MINDY4: variants seen among roughly 807,000 people sequenced by gnomAD.
The protein encoded by MINDY4 is MINDY lysine 48 deubiquitinase 4.
Under a neutral mutation model 87.0 loss-of-function variants are expected in MINDY4, and 68 were observed. The observed-to-expected ratio is 0.78, with a 90% CI of 0.64 to 0.96. The LOEUF is 0.96. Ranked by LOEUF, MINDY4 falls within the 40% of genes least tolerant of loss-of-function variation. The pLI, the probability that MINDY4 is intolerant of heterozygous loss-of-function variation, is 0.00. For missense variants in MINDY4, 919 were observed against 928.2 expected (o/e 0.99, Z 0.13); for synonymous variants, 379 against 363.2 (o/e 1.04, Z -0.50).
Position 30,860,632 on chromosome 7 carries a change from GC to G in MINDY4, c.1745+1311del, listed in dbSNP as rs1260712476. Among the ~76,000 whole-genome samples, 719 of 152,158 alleles carry G rather than the reference GC, an allele frequency of 4.7e-3. 5 individuals are homozygous for G. The highest frequency in any genetic ancestry group is 0.017 in the African/African-American group (692 of 41,494). On this transcript the variant is annotated intron_variant, in intron 13 of 17. Coordinates refer to ENST00000265299, the MANE Select transcript of MINDY4 (RefSeq NM_032222.3). ...TCTCAGCGCCCCCATCCATGCGGGG[GC>G]CCTCTGGCTCTGGGAGTCTAGGGCT...
At position 30,836,776 on chromosome 7, in the gene MINDY4, GA is replaced by G; in HGVS notation, c.1239+13del. The G allele has an allele frequency of 6.2e-7, 1 of 1,601,496 alleles. No homozygotes were observed. The highest frequency in any genetic ancestry group is 8.6e-7 in the Non-Finnish European group (1 of 1,168,610). ...TCTCAGTAGCAAAGGTAAGTGTAAG[GA>G]GACTCCTGGGTTAAATGTGTCTTGA... On this transcript the variant is annotated intron_variant, in intron 7 of 17. Transcript: ENST00000265299.
chr7:30,794,327 T>C (rs555810041), intron 5 of MINDY4, among the ~76,000 whole-genome samples: 2 of 152,136 alleles, frequency 1.3e-5, no homozygotes, highest in Non-Finnish European at 2.9e-5. Context: ...TGTGCACATA[T>C]AATTCTTCTA....
chr7:30,778,671 G>A, intron 2 of MINDY4, 120 bp downstream of exon 2: 8 of 1,234,842 alleles, frequency 6.5e-6, no homozygotes, highest in Non-Finnish European at 8.2e-6. Context: ...TCACACTTGC[G>A]GTCAGAGAGA....
rs1037608492 is a variant in MINDY4 at position 30,887,787 on chromosome 7, G to A, written c.2226-4170G>A. On this transcript the variant is annotated intron_variant, in intron 17 of 17. Coordinates refer to ENST00000265299, the MANE Select transcript of MINDY4 (RefSeq NM_032222.3). ...GGCCTGGGTGCTGACGGGGACCCGC[G>A]GGTGGCAGTCAGAGAACACTTCTGC... is the stretch of plus-strand genomic sequence containing the variant. 2.4e-4 allele frequency among the ~76,000 whole-genome samples: 36 copies of A among 152,220 alleles called. 1 individual carries two copies. Among genetic ancestry groups the A allele is most frequent in the African/African-American group, 1.2e-4 (5 of 41,464 alleles).
chr7:30,790,285 G>GCCTTTA (rs1042799935), intron 4 of MINDY4, among the ~76,000 whole-genome samples: 4 of 152,040 alleles, frequency 2.6e-5, no homozygotes, highest in African/African-American at 9.7e-5. Flanking sequence ...ACCACATACT[G>GCCTTTA]CCTTTACTAG....
intron 5 of MINDY4, among the ~76,000 whole-genome samples, chr7:30,812,424 GAATT>G (rs1221834294): frequency 6.6e-6 from 1 of 152,010 alleles, no homozygotes; most frequent in Non-Finnish European, 1.5e-5. Context: ...ATAAAAAAGA[GAATT>G]AAAAAACACA....
At chr7:30,821,919 C>G (rs568683162) in intron 5 of MINDY4, among the ~76,000 whole-genome samples, 47 of 152,280 alleles carry the variant, frequency 3.1e-4, no homozygotes, top group African/African-American at 1.0e-3. Flanking sequence ...CAATGAATAT[C>G]TGTAGACTTT....
At chr7:30,891,177 T>G (rs1393177762) in intron 17 of MINDY4, among the ~76,000 whole-genome samples, 1 of 152,230 alleles carries the variant, frequency 6.6e-6, no homozygotes, top group Non-Finnish European at 1.5e-5. Flanking sequence ...AGTCTTAGGA[T>G]ATCTGTATAT....
chr7:30,871,493 G>A (rs890721960), intron 13 of MINDY4, among the ~76,000 whole-genome samples: 1 of 152,192 alleles, frequency 6.6e-6, no homozygotes, highest in African/African-American at 2.4e-5. Flanking sequence ...TCTGCCTCAC[G>A]TGTGGCACAC....
At chr7:30,797,856 A>G (rs1777116734) in intron 5 of MINDY4, among the ~76,000 whole-genome samples, 6 of 152,172 alleles carry the variant, frequency 3.9e-5, no homozygotes, top group Admixed American at 3.9e-4. Context: ...CATCAGGGAA[A>G]TGGCAGTGAA....
chr7:30,788,402 T>C (rs941019938), intron 4 of MINDY4, among the ~76,000 whole-genome samples: 1 of 152,186 alleles, frequency 6.6e-6, no homozygotes, highest in African/African-American at 2.4e-5. Flanking sequence ...TATTGGCCAT[T>C]TGGAAAATAT....
intron 4 of MINDY4, among the ~76,000 whole-genome samples, chr7:30,788,830 C>T (rs1314866555): frequency 1.3e-5 from 2 of 152,210 alleles, no homozygotes; most frequent in Admixed American, 6.5e-5. Flanking sequence ...CCCACTGTGT[C>T]ACTCAGGGTG....
intron 5 of MINDY4, among the ~76,000 whole-genome samples, chr7:30,827,399 A>G (rs1031922996): frequency 6.6e-6 from 1 of 152,030 alleles, no homozygotes; most frequent in Non-Finnish European, 1.5e-5. Flanking sequence ...GTGTGGCTGG[A>G]AGAGGCTTCT....
chr7:30,799,676 G>A (rs956363852), intron 5 of MINDY4, among the ~76,000 whole-genome samples: 3 of 152,246 alleles, frequency 2.0e-5, no homozygotes, highest in African/African-American at 4.8e-5. Flanking sequence ...TGAGTCAGAA[G>A]TTTGGGGGTG....
intron 5 of MINDY4, among the ~76,000 whole-genome samples, chr7:30,815,580 C>T (rs1788123743): frequency 6.6e-6 from 1 of 152,210 alleles, no homozygotes; most frequent in Non-Finnish European, 1.5e-5. Context: ...GGGCTAGCAA[C>T]ATTTTGCTTG....
rs926965059 is a variant in MINDY4 at position 30,822,340 on chromosome 7, T to G, written c.1074-6339T>G. On this transcript the variant is annotated intron_variant, in intron 5 of 17. Transcript: ENST00000265299. ...CTCACACCACCAAGCCTGGGTAATTTTTGTATTTTTAGTAGAGACAGGGTT... is the reference window on the plus strand; with the variant it reads ...CTCACACCACCAAGCCTGGGTAATTGTTGTATTTTTAGTAGAGACAGGGTT... Among the ~76,000 whole-genome samples, 3 of 151,982 alleles carry G rather than the reference T, an allele frequency of 2.0e-5. No homozygotes were observed. The East Asian group carries it at 5.8e-4, about 29-fold the overall frequency.
At chr7:30,821,865 AT>A (rs35079846) in intron 5 of MINDY4, among the ~76,000 whole-genome samples, 3 of 152,206 alleles carry the variant, frequency 2.0e-5, no homozygotes, top group African/African-American at 7.2e-5. Flanking sequence ...ATTTTTCCAA[AT>A]TTTAAGGAAG....
chr7:30,796,351 G>A (rs1447296850), intron 5 of MINDY4, among the ~76,000 whole-genome samples: 1 of 152,096 alleles, frequency 6.6e-6, no homozygotes, highest in African/African-American at 2.4e-5. Flanking sequence ...TCTAGCTTTG[G>A]GGCCTGCTGT....
At chr7:30,809,059 GA>G (rs762808212) in intron 5 of MINDY4, among the ~76,000 whole-genome samples, 28 of 149,068 alleles carry the variant, frequency 1.9e-4, no homozygotes, top group Non-Finnish European at 3.6e-4. Flanking sequence ...AAGTAGTTAA[GA>G]AAAAAAAACA....
Sources: gnomAD v4.1 joint callset for allele counts (sites outside exome capture counted in the v4.1 genomes callset) on GRCh38, gnomAD v4.1.1 for gene constraint, MANE v1.5 for transcripts, NCBI Gene and HGNC (gene_info 2026-07-23, HGNC 2026-07-21) for gene names.